RABGAP1: variants seen among roughly 807,000 people sequenced by gnomAD.
RABGAP1 encodes the protein RAB GTPase activating protein 1, also known as rab GTPase-activating protein 1.
RABGAP1 carries 23 observed loss-of-function variants against 137.6 expected under a neutral mutation model. That is an observed-to-expected ratio of 0.17 (90% CI 0.12 to 0.24). The LOEUF is 0.24. Among genes scored for constraint, RABGAP1 ranks in the 10% least tolerant of loss-of-function variants. RABGAP1 has a pLI of 1.00. For synonymous variants in RABGAP1, 451 were observed against 450.7 expected, an observed-to-expected ratio of 1.00 and a Z score of -0.01; for missense variants, 906 against 1,275.8, an observed-to-expected ratio of 0.71 and a Z score of 4.42.
upstream of RABGAP1, chr9:122,939,533 TTG>T (rs1342862888): frequency 6.6e-6 from 1 of 152,182 alleles, no homozygotes; most frequent in African/African-American, 2.4e-5. Flanking sequence ...TTGTTTTAGC[TTG>T]TGTCTATTCT....
intron 13 of RABGAP1, among the ~76,000 whole-genome samples, chr9:123,024,203 T>C (rs1036956973): frequency 3.3e-5 from 5 of 152,188 alleles, no homozygotes; most frequent in African/African-American, 1.2e-4. Context: ...GGTTTTTAAA[T>C]TTCAGTAGGG....
rs1167883360 is a variant in RABGAP1 at position 123,101,656 on chromosome 9, G to A, written c.2980G>A (p.Glu994Lys). The A allele has an allele frequency of 6.2e-7, 1 of 1,613,992 alleles. No homozygotes were observed. The highest frequency in any genetic ancestry group is 8.5e-7 in the Non-Finnish European group (1 of 1,180,018). The change falls in exon 25 of 26, where the codon GAG becomes AAG. Residue 994 changes from glutamate (E) to lysine (K), a missense_variant. Physicochemically the swap from Glu to Lys is moderately conservative, Grantham distance 56 (BLOSUM62 1). Coordinates refer to ENST00000373647, the MANE Select transcript of RABGAP1 (RefSeq NM_012197.4). ...GISSTKEVLD[E>K]DTDEEKETLK... The stretch of plus-strand genomic sequence containing the variant: ...AAGCTCAACCAAGGAGGTTTTAGAT[G>A]AGGACACGGATGAAGAGAAAGAGAC...
At chr9:123,099,986 T>C (rs967598653) in intron 24 of RABGAP1, among the ~76,000 whole-genome samples, 2 of 152,056 alleles carry the variant, frequency 1.3e-5, no homozygotes, top group African/African-American at 4.8e-5. Context: ...CCTTAGTTTA[T>C]TTTTATTTTT....
intron 1 of RABGAP1, among the ~76,000 whole-genome samples, chr9:122,950,377 C>CTTTTTTTTTTTTTTTTTTTTTTTTGT (rs200424486): frequency 2.7e-5 from 2 of 74,492 alleles, no homozygotes; most frequent in African/African-American, 5.3e-5. Flanking sequence ...CTTTTTCTTT[C>CTTTTTTTTTTTTTTTTTTTTTTTTGT]TTTTTTTTTT....
At chr9:122,963,134 C>T (rs1468248964) in intron 2 of RABGAP1, among the ~76,000 whole-genome samples, 1 of 152,104 alleles carries the variant, frequency 6.6e-6, no homozygotes, top group Non-Finnish European at 1.5e-5. Context: ...GTTAGCCGGG[C>T]GTGGTGGCTG....
chr9:123,080,652 G>A (rs1481895604), intron 19 of RABGAP1, among the ~76,000 whole-genome samples: 1 of 152,130 alleles, frequency 6.6e-6, no homozygotes, highest in Non-Finnish European at 1.5e-5. Context: ...CTTGCGTGAG[G>A]TATGAGTACA....
intron 10 of RABGAP1, among the ~76,000 whole-genome samples, chr9:123,004,326 A>T (rs1057286889): frequency 6.6e-6 from 1 of 151,756 alleles, no homozygotes; most frequent in African/African-American, 2.4e-5. Context: ...TTCACTCTGC[A>T]GCCCAGCCTG....
chr9:123,072,222 C>T (rs376785480), intron 15 of RABGAP1, among the ~76,000 whole-genome samples: 4 of 152,068 alleles, frequency 2.6e-5, no homozygotes, highest in African/African-American at 9.7e-5. Context: ...GATTTTGGAG[C>T]ATTTTGTATT....
At chr9:123,056,621 C>A (rs2033710595) in intron 13 of RABGAP1, among the ~76,000 whole-genome samples, 1 of 151,118 alleles carries the variant, frequency 6.6e-6, no homozygotes, top group Non-Finnish European at 1.5e-5. Flanking sequence ...GGCAGAGGAC[C>A]CTGCGGCCTT....
chr9:123,000,900 A>C (rs1399480086), intron 10 of RABGAP1, among the ~76,000 whole-genome samples: 1 of 152,126 alleles, frequency 6.6e-6, no homozygotes, highest in African/African-American at 2.4e-5. Flanking sequence ...CTAAGGTCAG[A>C]TCTTATCACT....
intron 13 of RABGAP1, chr9:123,035,347 T>G: frequency 6.2e-7 from 1 of 1,614,164 alleles, no homozygotes; most frequent in Non-Finnish European, 8.5e-7. Flanking sequence ...CACTAGTGTA[T>G]TTTACATCCT....
intron 1 of RABGAP1, among the ~76,000 whole-genome samples, chr9:122,951,217 C>G (rs1834226017): frequency 6.6e-6 from 1 of 152,146 alleles, no homozygotes; most frequent in African/African-American, 2.4e-5. Context: ...GAGGCACTAG[C>G]ACATTTTGTC....
chr9:122,941,473 G>C (rs1379006052), intron 1 of RABGAP1, among the ~76,000 whole-genome samples: 1 of 152,196 alleles, frequency 6.6e-6, no homozygotes, highest in African/African-American at 2.4e-5. Flanking sequence ...GAATCCAGCC[G>C]CTCCCCCCCG....
chr9:122,994,112 T>C (rs372258679), intron 6 of RABGAP1, among the ~76,000 whole-genome samples: 3 of 152,256 alleles, frequency 2.0e-5, no homozygotes, highest in African/African-American at 7.2e-5. Flanking sequence ...GTACTTCAGT[T>C]TCTTATTTTA....
At chr9:123,024,631 A>G (rs2031849764) in intron 13 of RABGAP1, among the ~76,000 whole-genome samples, 1 of 151,834 alleles carries the variant, frequency 6.6e-6, no homozygotes. Flanking sequence ...GTAGATACTA[A>G]GTTTCACCAT....
At chr9:122,981,857 TG>T (rs1433123337) in intron 2 of RABGAP1, among the ~76,000 whole-genome samples, 1 of 152,198 alleles carries the variant, frequency 6.6e-6, no homozygotes, top group East Asian at 1.9e-4. Context: ...AAGACCAGCC[TG>T]GCCAACATGG....
chr9:123,055,282 C>G (rs1366991828), intron 13 of RABGAP1, among the ~76,000 whole-genome samples: 2 of 152,174 alleles, frequency 1.3e-5, no homozygotes, highest in East Asian at 3.8e-4. Flanking sequence ...GCTTTGACCC[C>G]CCAGGCTCAA....
intron 2 of RABGAP1, among the ~76,000 whole-genome samples, chr9:122,966,810 C>T (rs1475122818): frequency 6.6e-6 from 1 of 152,140 alleles, no homozygotes; most frequent in African/African-American, 2.4e-5. Context: ...GGGGAGGCCT[C>T]ACAATCATGG....
intron 6 of RABGAP1, chr9:122,990,544 C>T (rs951224194): frequency 4.4e-5 from 7 of 160,436 alleles, no homozygotes; most frequent in Non-Finnish European, 5.4e-5. Context: ...CTGAGGCGGA[C>T]GGATCACCTG....
Sources: allele counts gnomAD v4.1 joint callset (sites outside exome capture counted in the v4.1 genomes callset), GRCh38; gene constraint gnomAD v4.1.1; transcripts MANE v1.5; gene names NCBI Gene and HGNC (gene_info 2026-07-23, HGNC 2026-07-21).